Variants in DCC observed in about 807,000 individuals in gnomAD.
DCC encodes the protein netrin receptor DCC.
A neutral mutation model predicts 172.5 loss-of-function variants in DCC; 58 were observed. The ratio of observed to expected loss-of-function variants is 0.34; its 90% confidence interval spans 0.27 to 0.42. The LOEUF (loss-of-function observed/expected upper bound fraction) is 0.42, where lower values mean the gene tolerates loss of function less well. Ranked by LOEUF, DCC falls within the 10% of genes least tolerant of loss-of-function variation. The pLI, the probability that DCC is intolerant of heterozygous loss-of-function variation, is 1.00. For missense variants in DCC, 1,740 were observed against 1,791.0 expected (o/e 0.97, Z 0.51); for synonymous variants, 709 against 644.5 (o/e 1.10, Z -1.52).
rs138143831 is a variant in DCC, at chr18:53,322,151, C to T, written c.2158C>T (p.Leu720=). Residue 720 remains leucine (L), a synonymous_variant, in exon 14 of 29, where the codon CTA becomes TTA. Transcript: ENST00000442544. The part of the protein sequence containing the change: ...WYTAETPEND[L]DESQVPDQPS... ...TACTGCAGAGACTCCAGAGAATGATCTAGATGGTAAGACTTTTTCCCAGTT... is the reference window on the plus strand; with the variant it reads ...TACTGCAGAGACTCCAGAGAATGATTTAGATGGTAAGACTTTTTCCCAGTT... The T allele has an allele frequency of 5.2e-4, 782 of 1,495,572 alleles. 1 individual carries two copies. In the African/African-American group the frequency reaches 9.6e-3, roughly 18 times the overall value. The allele number at this position is 1,495,572 out of a possible 1,614,324, so 92.6% of individuals were successfully genotyped here.
At chr18:52,816,167 C>G (rs906337687) in intron 2 of DCC, among the ~76,000 whole-genome samples, 5 of 152,182 alleles carry the variant, frequency 3.3e-5, no homozygotes, top group African/African-American at 1.2e-4. Flanking sequence ...CTTGGTCACA[C>G]TCACACAGCT....
intron 7 of DCC, among the ~76,000 whole-genome samples, chr18:53,092,464 T>C (rs1011922354): frequency 6.6e-6 from 1 of 152,168 alleles, no homozygotes; most frequent in Non-Finnish European, 1.5e-5. Context: ...AAGCAAGCAC[T>C]CCATCATTTA....
intron 2 of DCC, among the ~76,000 whole-genome samples, chr18:52,768,275 G>A (rs62081920): frequency 0.099 from 15,091 of 152,212 alleles, 954 homozygotes; most frequent in Middle Eastern, 0.22. Flanking sequence ...TAAAAATTAC[G>A]AGTTTATCCA....
intron 1 of DCC, among the ~76,000 whole-genome samples, chr18:52,548,935 G>T (rs2032690377): frequency 6.6e-6 from 1 of 152,080 alleles, no homozygotes; most frequent in Non-Finnish European, 1.5e-5. Flanking sequence ...ATTCTTCACA[G>T]ATTTGACTAT....
chr18:52,728,978 C>T (rs1474865456), intron 1 of DCC, among the ~76,000 whole-genome samples: 2 of 152,128 alleles, frequency 1.3e-5, no homozygotes, highest in Non-Finnish European at 2.9e-5. Context: ...AAAGCATGTA[C>T]CTCTAAGACC....
chr18:53,513,132 C>G (rs2046280235), intron 27 of DCC, among the ~76,000 whole-genome samples: 1 of 152,140 alleles, frequency 6.6e-6, no homozygotes, highest in African/African-American at 2.4e-5. Context: ...ATCCTACAAG[C>G]CAAAAGAGAG....
At chr18:52,361,354 T>G (rs1043198629) in intron 1 of DCC, among the ~76,000 whole-genome samples, 2 of 152,220 alleles carry the variant, frequency 1.3e-5, no homozygotes, top group African/African-American at 4.8e-5. Flanking sequence ...TAATGTTTAT[T>G]TTTGCATTGC....
At chr18:53,351,420 CACTGTGTATATATATAT>C (rs1568075264) in intron 15 of DCC, among the ~76,000 whole-genome samples, 1 of 15,910 alleles carries the variant, frequency 6.3e-5, no homozygotes. Flanking sequence ...TATATATACA[CACTGTGTATATATATAT>C]ACAGTGTATA....
chr18:53,477,579 C>G (rs1050618769), intron 25 of DCC, among the ~76,000 whole-genome samples: 1 of 152,060 alleles, frequency 6.6e-6, no homozygotes, highest in Non-Finnish European at 1.5e-5. Context: ...AATCATTATT[C>G]CTATAAGATT....
chr18:52,532,243 G>A (rs371213242), intron 1 of DCC, among the ~76,000 whole-genome samples: 3 of 152,112 alleles, frequency 2.0e-5, no homozygotes, highest in African/African-American at 7.2e-5. Context: ...TTCAAAAAAA[G>A]CATCCTAGGC....
chr18:53,092,824 T>C (rs2043033402), intron 7 of DCC, among the ~76,000 whole-genome samples: 1 of 152,138 alleles, frequency 6.6e-6, no homozygotes, highest in African/African-American at 2.4e-5. Context: ...TGATGTATCA[T>C]AGACCCCGAA....
At chr18:52,806,370 G>A (rs923488392) in intron 2 of DCC, among the ~76,000 whole-genome samples, 2 of 152,174 alleles carry the variant, frequency 1.3e-5, no homozygotes, top group African/African-American at 2.4e-5. Context: ...AGTGTTCACT[G>A]TTGGTGAGTC....
At chr18:53,429,565 A>G (rs1450449504) in intron 21 of DCC, among the ~76,000 whole-genome samples, 1 of 152,080 alleles carries the variant, frequency 6.6e-6, no homozygotes. Flanking sequence ...CTAAATACAG[A>G]AATTGGAATT....
At chr18:53,428,128 AATATAATATAATAATATATAAT>A (rs1299120048) in intron 21 of DCC, among the ~76,000 whole-genome samples, 1 of 9,204 alleles carries the variant, frequency 1.1e-4, no homozygotes, top group East Asian at 1.4e-3. Flanking sequence ...TATAATATAT[AATATAATATAATAATATATAAT>A]ATATAATATA....
chr18:53,421,149 A>T (rs1157088339), intron 21 of DCC, among the ~76,000 whole-genome samples: 2 of 152,178 alleles, frequency 1.3e-5, no homozygotes, highest in Non-Finnish European at 2.9e-5. Flanking sequence ...CAAACTTTTA[A>T]GGTATTTTTG....
At chr18:53,525,346 G>A (rs1276164188) in intron 27 of DCC, among the ~76,000 whole-genome samples, 8 of 152,018 alleles carry the variant, frequency 5.3e-5, no homozygotes, top group Admixed American at 3.9e-4. Context: ...AACGATTCAT[G>A]TTTCATTTCG....
intron 12 of DCC, among the ~76,000 whole-genome samples, chr18:53,301,978 A>G (rs1306432300): frequency 6.6e-6 from 1 of 152,220 alleles, no homozygotes; most frequent in Non-Finnish European, 1.5e-5. Flanking sequence ...CTAGAAGTCC[A>G]AGATCAATGT....
chr18:52,739,256 A>G (rs577320007), intron 1 of DCC, among the ~76,000 whole-genome samples: 12 of 152,156 alleles, frequency 7.9e-5, no homozygotes, highest in African/African-American at 2.9e-4. Flanking sequence ...TTCACCACCA[A>G]CCTAGCAGAA....
chr18:53,443,047 A>G (rs1231265688), intron 22 of DCC, among the ~76,000 whole-genome samples: 8 of 152,226 alleles, frequency 5.3e-5, no homozygotes, highest in African/African-American at 1.4e-4. Context: ...ATTGATATAG[A>G]AGCTGCAGGA....
Sources: gnomAD v4.1 joint callset for allele counts (sites outside exome capture counted in the v4.1 genomes callset) on GRCh38, gnomAD v4.1.1 for gene constraint, MANE v1.5 for transcripts, NCBI Gene and HGNC (gene_info 2026-07-23, HGNC 2026-07-21) for gene names.